Variants in DLGAP2 observed in about 807,000 individuals in gnomAD.
The protein encoded by DLGAP2 is disks large-associated protein 2.
Under a neutral mutation model 100.3 loss-of-function variants are expected in DLGAP2, and 26 were observed. The ratio of observed to expected loss-of-function variants is 0.26; its 90% CI spans 0.19 to 0.36. The LOEUF (loss-of-function observed/expected upper bound fraction) is 0.36. Ranked by LOEUF, DLGAP2 falls within the 10% of genes least tolerant of loss-of-function variation. The probability of loss-of-function intolerance (pLI) is 1.00; values close to 1 mark genes in which losing one functional copy is unlikely to be tolerated. For synonymous variants in DLGAP2, 886 were observed against 630.1 expected, an observed-to-expected ratio of 1.41 and a Z score of -6.08; for missense variants, 1,858 against 1,453.2, an observed-to-expected ratio of 1.28 and a Z score of -4.53.
chr8:1,128,959 T>C (rs1329305789), intron 2 of DLGAP2, among the ~76,000 whole-genome samples: 1 of 152,188 alleles, frequency 6.6e-6, no homozygotes, highest in Non-Finnish European at 1.5e-5. Flanking sequence ...CTCAGGACAC[T>C]GGCAAGCTGA....
chr8:1,549,412 T>C lies in DLGAP2; in HGVS notation c.959T>C (p.Leu320Pro). Residue 320 changes from leucine to proline, a missense_variant, in exon 5 of 15, where the codon CTG becomes CCG. Coordinates refer to ENST00000637795, the MANE Select transcript of DLGAP2 (RefSeq NM_001346810.2). ...CCCAGCGTGCTCAACCGGCACCACC[T>C]GGGCCCCGTGGCCCACTGCTACCCC... Reference protein sequence around the residue: ...RTPSVLNRHHLGPVAHCYPDA... With the variant: ...RTPSVLNRHHPGPVAHCYPDA... The C allele has an allele frequency of 1.9e-6, 3 of 1,613,396 alleles. No homozygotes were observed. The highest frequency in any genetic ancestry group is 2.2e-5 in the East Asian group (1 of 44,860).
At chr8:1,088,991 C>T (rs1218429233) in intron 2 of DLGAP2, among the ~76,000 whole-genome samples, 1 of 123,002 alleles carries the variant, frequency 8.1e-6, no homozygotes, top group Non-Finnish European at 1.7e-5. Context: ...GCAGGCTATG[C>T]CATTCTCGCT....
chr8:1,188,386 A>G (rs1450999995), intron 2 of DLGAP2, among the ~76,000 whole-genome samples: 70 of 66,930 alleles, frequency 1.0e-3, no homozygotes, highest in African/African-American at 1.1e-3. Flanking sequence ...AATCTCACAC[A>G]CCCGGGACCT....
chr8:977,777 A>AG (rs1349544050), intron 2 of DLGAP2, among the ~76,000 whole-genome samples: 1 of 124,366 alleles, frequency 8.0e-6, no homozygotes, highest in African/African-American at 2.9e-5. Flanking sequence ...TGTTGTGGGG[A>AG]GGGCGTCGGG....
intron 3 of DLGAP2, among the ~76,000 whole-genome samples, chr8:1,262,815 A>T (rs180868761): frequency 1.3e-5 from 2 of 152,198 alleles, no homozygotes; most frequent in Non-Finnish European, 2.9e-5. Flanking sequence ...TTATTGACAG[A>T]TGCATGATAC....
chr8:1,039,624 G>C (rs77447818), intron 2 of DLGAP2, among the ~76,000 whole-genome samples: 20 of 54,636 alleles, frequency 3.7e-4, no homozygotes, highest in East Asian at 5.8e-4. Flanking sequence ...AGCTCGGTGT[G>C]CGTGGTCAGC....
chr8:1,378,313 C>G (rs931633261), intron 3 of DLGAP2, among the ~76,000 whole-genome samples: 2 of 151,478 alleles, frequency 1.3e-5, no homozygotes, highest in African/African-American at 4.9e-5. Flanking sequence ...CCTGCGCACA[C>G]CTGACTTCAC....
chr8:1,195,211 T>C (rs73670666), intron 2 of DLGAP2, among the ~76,000 whole-genome samples: 36,705 of 152,072 alleles, frequency 0.24, 4,632 homozygotes, highest in Middle Eastern at 0.43. Context: ...TCATCCCAGC[T>C]GGGACTGGGG....
chr8:1,381,829 A>G (rs10101489), intron 3 of DLGAP2, among the ~76,000 whole-genome samples: 18,497 of 130,174 alleles, frequency 0.14, 1,667 homozygotes, highest in East Asian at 0.28. Context: ...GTGTGTTTGT[A>G]TCACATTTTC....
chr8:1,493,558 C>T lies in DLGAP2; in HGVS notation c.107-7808C>T, dbSNP rs1190342602. ...CACACCTGAACGTGTGTGGGAGCCGCGAGGGTCCTGGTGAAGTTTCCCAGA... is the reference window on the plus strand; with the variant it reads ...CACACCTGAACGTGTGTGGGAGCCGTGAGGGTCCTGGTGAAGTTTCCCAGA... On this transcript the variant is annotated intron_variant, in intron 3 of 14. Coordinates refer to ENST00000637795, the MANE Select transcript of DLGAP2 (RefSeq NM_001346810.2). Among the ~76,000 whole-genome samples the T allele has an allele frequency of 4.6e-5, 7 of 152,200 alleles. No homozygotes were observed. In the East Asian group the frequency reaches 1.2e-3, roughly 25 times the overall value.
intron 2 of DLGAP2, among the ~76,000 whole-genome samples, chr8:1,040,362 G>T (rs1563159589): frequency 7.2e-6 from 1 of 138,824 alleles, no homozygotes; most frequent in East Asian, 2.2e-4. Flanking sequence ...GGCTCAGTGT[G>T]CGTGGTCAGC....
rs139894183 is a variant in DLGAP2, at chr8:1,251,099, G to A, written c.74-7752G>A. Among the ~76,000 whole-genome samples, 598 of 152,230 alleles carry A rather than the reference G, an allele frequency of 3.9e-3. 4 individuals are homozygous for A. Among genetic ancestry groups the A allele is most frequent in the Middle Eastern group, 6.8e-3 (2 of 294 alleles). ...GAAATTAACCCATGTTCACGAGAAC[G>A]TTACTTTGTATTCTTGTCTGCCTTC... On this transcript the variant is annotated intron_variant, in intron 2 of 14. Transcript: ENST00000637795.
At chr8:816,045 T>G (rs190597648) in intron 1 of DLGAP2, among the ~76,000 whole-genome samples, 1 of 152,354 alleles carries the variant, frequency 6.6e-6, no homozygotes, top group Admixed American at 6.5e-5. Context: ...TTGCTTTTGA[T>G]GTCCATTTGC....
rs528649707 is a variant in DLGAP2 at position 965,746 on chromosome 8, G to A, written c.73+57780G>A. On this transcript the variant is annotated intron_variant, in intron 2 of 14. Coordinates refer to ENST00000637795, the MANE Select transcript of DLGAP2 (RefSeq NM_001346810.2). Reference sequence around the variant, plus strand: ...GCACACGGCACTGTTCACCTCACACGGCTCCTGAGTCTGACCCCTGCGCTG... The same window carrying A: ...GCACACGGCACTGTTCACCTCACACAGCTCCTGAGTCTGACCCCTGCGCTG... Among the ~76,000 whole-genome samples, 9 of 135,214 alleles carry A rather than the reference G, an allele frequency of 6.7e-5. 1 individual carries two copies. The highest frequency in any genetic ancestry group is 5.0e-4 in the South Asian group (2 of 3,976). 88.7% of individuals were successfully genotyped at this position (135,214 alleles called of 152,430 possible).
chr8:1,095,609 T>G lies in DLGAP2; in HGVS notation c.74-163242T>G, dbSNP rs114659710. On this transcript the variant is annotated intron_variant, in intron 2 of 14. Transcript: ENST00000637795. ...TGGGGGTCTTCAAAGTAAACCATTT[T>G]CCGAGTGCTGGGCGCACAGCCAGGA... 9.6e-3 allele frequency among the ~76,000 whole-genome samples: 1,467 copies of G among 152,290 alleles called. 21 individuals carry two copies. The highest frequency in any genetic ancestry group is 0.034 in the African/African-American group (1,399 of 41,552).
chr8:1,420,981 G>A (rs886537575), intron 3 of DLGAP2, among the ~76,000 whole-genome samples: 1 of 152,154 alleles, frequency 6.6e-6, no homozygotes, highest in Non-Finnish European at 1.5e-5. Flanking sequence ...CCAAAGAGCG[G>A]GGTCCTCTCT....
At chr8:1,691,777 G>C (rs912644151) in intron 13 of DLGAP2, among the ~76,000 whole-genome samples, 151 bp downstream of exon 13, 4 of 152,206 alleles carry the variant, frequency 2.6e-5, no homozygotes, top group African/African-American at 4.8e-5. Context: ...TCCCGCCCTG[G>C]GGAAAGAGAC....
chr8:1,028,347 G>A (rs368141797), intron 2 of DLGAP2, among the ~76,000 whole-genome samples: 4 of 142,564 alleles, frequency 2.8e-5, no homozygotes, highest in East Asian at 2.4e-4. Context: ...GGTGTCAGGC[G>A]CCCGTTATTC....
intron 6 of DLGAP2, among the ~76,000 whole-genome samples, chr8:1,583,444 G>C (rs1177613293): frequency 2.0e-5 from 3 of 152,174 alleles, no homozygotes; most frequent in Non-Finnish European, 4.4e-5. Context: ...GGATCTCCTA[G>C]CATCCACTGG....
Sources: allele counts gnomAD v4.1 joint callset (sites outside exome capture counted in the v4.1 genomes callset), GRCh38; gene constraint gnomAD v4.1.1; transcripts MANE v1.5; gene names NCBI Gene and HGNC (gene_info 2026-07-23, HGNC 2026-07-21).